Variants in DCAF6 observed in about 807,000 individuals in gnomAD.
DCAF6 encodes DDB1- and CUL4-associated factor 6.
Under a neutral mutation model 125.1 loss-of-function variants are expected in DCAF6, and 54 were observed. The ratio of observed to expected loss-of-function variants is 0.43; its 90% CI spans 0.35 to 0.54. The LOEUF (loss-of-function observed/expected upper bound fraction) is 0.54. Ranked by LOEUF, DCAF6 falls within the 20% of genes least tolerant of loss-of-function variation. The pLI, the probability that DCAF6 is intolerant of heterozygous loss-of-function variation, is 0.01. For missense variants in DCAF6, 934 were observed against 1,161.7 expected (o/e 0.80, Z 2.85); for synonymous variants, 371 against 390.4 (o/e 0.95, Z 0.58).
chr1:167,979,235 C>T lies in DCAF6; in HGVS notation c.438+4220C>T, dbSNP rs72699723. ...AATTAAATCAAAATCCAAAACAGCA[C>T]ACAAACAAAAGAAAGACCATTTTAA... On this transcript the variant is annotated intron_variant, in intron 4 of 21. Transcript: ENST00000367840. Among the ~76,000 whole-genome samples, 580 of 152,084 alleles carry T rather than the reference C, an allele frequency of 3.8e-3. 1 individual carries two copies. Among genetic ancestry groups the T allele is most frequent in the Non-Finnish European group, 7.3e-3 (496 of 68,004 alleles).
At chr1:167,990,608 AAATTGTATTATAACATTGTATG>A (rs1680689239) in intron 5 of DCAF6, among the ~76,000 whole-genome samples, 2 of 152,218 alleles carry the variant, frequency 1.3e-5, no homozygotes, top group African/African-American at 4.8e-5. Flanking sequence ...GAAATAATTC[AAATTGTATTATAACATTGTATG>A]AAATGTAGCT....
chr1:168,058,328 A>T (rs538246497), intron 17 of DCAF6, among the ~76,000 whole-genome samples: 2 of 152,364 alleles, frequency 1.3e-5, no homozygotes, highest in South Asian at 4.1e-4. Context: ...ATACCAAGGA[A>T]TGGACCATTT....
At chr1:167,875,144 A>T in the DCAF6 span, 1 of 1,614,198 alleles carries the variant, frequency 6.2e-7, no homozygotes. Flanking sequence ...GCAAAGGGTA[A>T]TCCTCCTTTC....
At chr1:168,009,748 G>C (rs542551015) in intron 10 of DCAF6, among the ~76,000 whole-genome samples, 5 of 151,990 alleles carry the variant, frequency 3.3e-5, no homozygotes, top group Admixed American at 6.5e-5. Flanking sequence ...AACTACCCTA[G>C]GTAAAGTCCT....
intron 2 of DCAF6, among the ~76,000 whole-genome samples, chr1:167,952,429 C>T (rs1264258253): frequency 6.6e-6 from 1 of 152,120 alleles, no homozygotes; most frequent in Non-Finnish European, 1.5e-5. Context: ...CTGTGTTAGC[C>T]AGGATGGTGT....
At chr1:167,945,861 T>C (rs203792) in intron 1 of DCAF6, among the ~76,000 whole-genome samples, 151,644 of 151,644 alleles carry the variant, frequency 1, 75,822 homozygotes, top group Non-Finnish European at 1. Context: ...TGGTTTTCAT[T>C]TTGAATCATT....
chr1:168,036,071 AAAAAC>A (rs961903654), intron 12 of DCAF6, among the ~76,000 whole-genome samples: 23 of 152,194 alleles, frequency 1.5e-4, no homozygotes, highest in African/African-American at 4.1e-4. Flanking sequence ...CAAAAAAAAT[AAAAAC>A]AAAACAAAAC....
At chr1:167,898,776 G>A in the DCAF6 span, among the ~76,000 whole-genome samples, 5 of 152,050 alleles carry the variant, frequency 3.3e-5, no homozygotes, top group Non-Finnish European at 7.4e-5. Flanking sequence ...GCATCTGCAC[G>A]GATTCTCTGT....
At chr1:167,990,695 A>G (rs911313148) in intron 5 of DCAF6, among the ~76,000 whole-genome samples, 1 of 152,132 alleles carries the variant, frequency 6.6e-6, no homozygotes, top group Non-Finnish European at 1.5e-5. Context: ...GATTATTACC[A>G]TCTTTTTGTA....
chr1:167,869,090 G>T, the DCAF6 span, among the ~76,000 whole-genome samples: 48 of 152,316 alleles, frequency 3.2e-4, no homozygotes, highest in Non-Finnish European at 2.9e-5. Flanking sequence ...TAAAGACATA[G>T]TTAAAAACAT....
intron 5 of DCAF6, among the ~76,000 whole-genome samples, chr1:167,989,736 C>T (rs1680563947): frequency 6.6e-6 from 1 of 152,024 alleles, no homozygotes; most frequent in Admixed American, 6.6e-5. Flanking sequence ...TACAAAATAG[C>T]CAGGCGTGGT....
chr1:168,010,551 C>T (rs577634278), intron 10 of DCAF6, among the ~76,000 whole-genome samples: 63 of 151,918 alleles, frequency 4.1e-4, no homozygotes, highest in African/African-American at 1.4e-3. Context: ...TTTGAAACCA[C>T]GTTCTATATA....
chr1:168,007,233 T>C (rs1385128789), intron 10 of DCAF6, among the ~76,000 whole-genome samples: 2 of 152,226 alleles, frequency 1.3e-5, no homozygotes, highest in African/African-American at 4.8e-5. Flanking sequence ...GCTATCCCTT[T>C]CCAGCTTCTC....
chr1:168,011,738 A>G (rs172113), intron 10 of DCAF6, among the ~76,000 whole-genome samples: 68,351 of 151,854 alleles, frequency 0.45, 17,342 homozygotes, highest in African/African-American at 0.68. Context: ...AGCACTTTGG[A>G]AGGCCGAGGT....
In DCAF6 at chr1:168,044,913, G is replaced by A. The variant is rs771775545; in HGVS notation, c.1944G>A (p.Lys648=). The change falls in exon 16 of 22, where the codon AAG becomes AAA. Residue 648 remains lysine, a synonymous_variant. Transcript: ENST00000367840. ...ENHINITQSD[K]FTAKPLDSNS... The stretch of plus-strand genomic sequence containing the variant: ...ATTTTCTGACAGCACAATCAGATAA[G>A]TTCACAGCCAAGCCATTGGATTCCA... 107 of 1,613,698 alleles carry A rather than the reference G, an allele frequency of 6.6e-5. 1 individual carries two copies. The South Asian group carries it at 1.1e-3, about 17-fold the overall frequency.
chr1:168,007,791 ACT>A (rs1168852673), intron 10 of DCAF6, among the ~76,000 whole-genome samples: 1 of 150,880 alleles, frequency 6.6e-6, no homozygotes, highest in Non-Finnish European at 1.5e-5. Context: ...CTTTACATAC[ACT>A]CTTTCTCTGG....
chr1:167,901,841 C>A, the DCAF6 span: 1 of 1,614,138 alleles, frequency 6.2e-7, no homozygotes, highest in African/African-American at 1.3e-5. Context: ...TTTTGACCTG[C>A]CCTGGGGATC....
chr1:167,888,052 T>C, the DCAF6 span, among the ~76,000 whole-genome samples: 1 of 152,250 alleles, frequency 6.6e-6, no homozygotes, highest in East Asian at 1.9e-4. Context: ...TTTTCCTTTA[T>C]ATTCTTGGCT....
chr1:168,007,545 A>G (rs1471097598), intron 10 of DCAF6, among the ~76,000 whole-genome samples: 1 of 151,992 alleles, frequency 6.6e-6, no homozygotes, highest in South Asian at 2.1e-4. Context: ...GACATTCACC[A>G]GTTTAAAGGA....
Sources: allele counts gnomAD v4.1 joint callset (sites outside exome capture counted in the v4.1 genomes callset), GRCh38; gene constraint gnomAD v4.1.1; transcripts MANE v1.5; gene names NCBI Gene and HGNC (gene_info 2026-07-23, HGNC 2026-07-21).